The following BTBD9 variants were observed in gnomAD, a reference collection of about 807,000 sequenced individuals.
BTBD9 encodes BTB domain containing 9, also known as BTB/POZ domain-containing protein 9.
BTBD9 carries 49 observed loss-of-function variants against 64.3 expected under a neutral mutation model. The ratio of observed to expected loss-of-function variants is 0.76; its 90% CI spans 0.61 to 0.97. The LOEUF is 0.97. BTBD9 is among the 50% of genes least tolerant of loss of function. The pLI is 0.00. For missense variants in BTBD9, 598 were observed against 762.1 expected (o/e 0.78, Z 2.53); for synonymous variants, 260 against 274.7 (o/e 0.95, Z 0.53).
intron 8 of BTBD9, among the ~76,000 whole-genome samples, chr6:38,271,875 T>A (rs1045036612): frequency 6.6e-6 from 1 of 151,868 alleles, no homozygotes; most frequent in Non-Finnish European, 1.5e-5. Flanking sequence ...GTAGTCACAA[T>A]CTCATTTTTG....
chr6:38,498,130 C>T (rs1419315887), intron 6 of BTBD9, among the ~76,000 whole-genome samples: 1 of 152,174 alleles, frequency 6.6e-6, no homozygotes, highest in African/African-American at 2.4e-5. Flanking sequence ...TTATCAGACA[C>T]AGAAATCTGA....
At chr6:38,501,315 T>A (rs1298095028) in intron 6 of BTBD9, among the ~76,000 whole-genome samples, 1 of 152,144 alleles carries the variant, frequency 6.6e-6, no homozygotes, top group Admixed American at 6.5e-5. Flanking sequence ...GATTTCAGGT[T>A]TTCGGATTAG....
chr6:38,436,372 A>ATTTTTTTTTTTTTTTTTTTTTTTTTTTTT, intron 6 of BTBD9, among the ~76,000 whole-genome samples: 1 of 118,324 alleles, frequency 8.5e-6, no homozygotes, highest in Non-Finnish European at 1.7e-5. Context: ...CCCCAATTCT[A>ATTTTTTTTTTTTTTTTTTTTTTTTTTTTT]TTTTTTTTTT....
intron 6 of BTBD9, among the ~76,000 whole-genome samples, chr6:38,556,047 TCCC>T (rs1774997317): frequency 2.0e-5 from 3 of 152,298 alleles, no homozygotes; most frequent in African/African-American, 7.2e-5. Context: ...TACTTCTGTT[TCCC>T]TATGCAACCT....
intron 6 of BTBD9, among the ~76,000 whole-genome samples, chr6:38,456,567 T>C (rs994256920): frequency 2.0e-5 from 3 of 152,204 alleles, no homozygotes; most frequent in African/African-American, 7.2e-5. Flanking sequence ...TTATGGTTTT[T>C]GTTATCTCAG....
intron 9 of BTBD9, among the ~76,000 whole-genome samples, chr6:38,228,346 C>CT (rs1554130218): frequency 1.4e-5 from 1 of 69,126 alleles, no homozygotes; most frequent in African/African-American, 4.9e-5. Context: ...CCCTGTCCCC[C>CT]CCCCCAAAAA....
At chr6:38,507,987 C>A (rs1263345606) in intron 6 of BTBD9, among the ~76,000 whole-genome samples, 1 of 152,040 alleles carries the variant, frequency 6.6e-6, no homozygotes, top group Non-Finnish European at 1.5e-5. Flanking sequence ...GCACCCGCCA[C>A]CACACCCCCC....
At chr6:38,307,979 A>G (rs886996279) in intron 7 of BTBD9, among the ~76,000 whole-genome samples, 1 of 152,190 alleles carries the variant, frequency 6.6e-6, no homozygotes, top group African/African-American at 2.4e-5. Flanking sequence ...CAAACATACA[A>G]GTTCACCAGG....
At chr6:38,372,906 G>T (rs973534646) in intron 6 of BTBD9, among the ~76,000 whole-genome samples, 4 of 152,072 alleles carry the variant, frequency 2.6e-5, no homozygotes, top group Non-Finnish European at 4.4e-5. Flanking sequence ...ACTTATTTTT[G>T]CCCTGTTTGC....
chr6:38,566,307 T>C (rs1440068686), intron 6 of BTBD9, among the ~76,000 whole-genome samples: 2 of 150,582 alleles, frequency 1.3e-5, no homozygotes, highest in Non-Finnish European at 3.0e-5. Flanking sequence ...TCTTGAAAAA[T>C]CTTAAAGAAG....
chr6:38,449,287 A>C (rs1271213088), intron 6 of BTBD9, among the ~76,000 whole-genome samples: 1 of 152,240 alleles, frequency 6.6e-6, no homozygotes, highest in African/African-American at 2.4e-5. Flanking sequence ...GCCTCAAAAG[A>C]CAGAGTCTCA....
intron 9 of BTBD9, among the ~76,000 whole-genome samples, chr6:38,254,679 C>T (rs1287448360): frequency 6.6e-6 from 1 of 152,142 alleles, no homozygotes. Context: ...CATCATTAGC[C>T]ATGAGGGAAA....
chr6:38,472,155 G>A (rs1398093319), intron 6 of BTBD9, among the ~76,000 whole-genome samples: 4 of 152,026 alleles, frequency 2.6e-5, no homozygotes, highest in Admixed American at 6.6e-5. Flanking sequence ...TCCTATCTCC[G>A]CTAAATATAT....
intron 6 of BTBD9, among the ~76,000 whole-genome samples, chr6:38,534,181 T>C (rs778984221): frequency 6.6e-6 from 1 of 151,384 alleles, no homozygotes; most frequent in African/African-American, 2.4e-5. Context: ...AGATGAAAAA[T>C]GAGACTTTAC....
At chr6:38,448,776 C>T (rs1348694018) in intron 6 of BTBD9, among the ~76,000 whole-genome samples, 1 of 152,200 alleles carries the variant, frequency 6.6e-6, no homozygotes, top group African/African-American at 2.4e-5. Context: ...CCTCGGCCTC[C>T]CAAAGTGCTG....
intron 6 of BTBD9, among the ~76,000 whole-genome samples, chr6:38,496,346 C>T (rs34342164): frequency 6.6e-6 from 1 of 151,930 alleles, no homozygotes; most frequent in African/African-American, 2.4e-5. Flanking sequence ...ACACATTTTT[C>T]TAAAGATGCA....
At chr6:38,272,673 T>C (rs1765235382) in intron 8 of BTBD9, among the ~76,000 whole-genome samples, 1 of 152,150 alleles carries the variant, frequency 6.6e-6, no homozygotes, top group South Asian at 2.1e-4. Flanking sequence ...ATTTTACTAG[T>C]AGGGCTATTA....
chr6:38,522,084 C>A (rs748346619), intron 6 of BTBD9, among the ~76,000 whole-genome samples: 33 of 152,178 alleles, frequency 2.2e-4, no homozygotes, highest in Non-Finnish European at 3.8e-4. Flanking sequence ...GTGTGGGCCT[C>A]CTCCTTTCTG....
chr6:38,423,414 C>G (rs1767997215), intron 6 of BTBD9, among the ~76,000 whole-genome samples: 1 of 152,140 alleles, frequency 6.6e-6, no homozygotes, highest in Non-Finnish European at 1.5e-5. Flanking sequence ...AAGTGATCCT[C>G]CCACCTAAGC....
Sources: gnomAD v4.1 joint callset for allele counts (sites outside exome capture counted in the v4.1 genomes callset) on GRCh38, gnomAD v4.1.1 for gene constraint, MANE v1.5 for transcripts, NCBI Gene and HGNC (gene_info 2026-07-23, HGNC 2026-07-21) for gene names.